Variants in OGG1 observed in about 807,000 individuals in gnomAD.
OGG1 encodes N-glycosylase/DNA lyase.
OGG1 carries 35 observed loss-of-function variants against 42.3 expected under a neutral mutation model. The ratio of observed to expected loss-of-function variants is 0.83; its 90% CI spans 0.63 to 1.10. The LOEUF is 1.10. OGG1 is among the 50% of genes least tolerant of loss of function. The pLI, the probability that OGG1 is intolerant of heterozygous loss-of-function variation, is 0.00. For missense variants in OGG1, 484 were observed against 446.7 expected, an observed-to-expected ratio of 1.08 and a Z score of -0.75; for synonymous variants, 189 against 179.0, an observed-to-expected ratio of 1.06 and a Z score of -0.44.
At chr3:9,789,489 T>C (rs2078688609), downstream of OGG1, 1 of 1,607,166 alleles carries the variant, frequency 6.2e-7, no homozygotes, top group African/African-American at 1.3e-5. Flanking sequence ...ATCATGTCTA[T>C]CAAGGCCCAG....
At chr3:9,778,316 G>A (rs1292372490) in intron 2 of OGG1, among the ~76,000 whole-genome samples, 2 of 152,234 alleles carry the variant, frequency 1.3e-5, no homozygotes, top group African/African-American at 2.4e-5. Flanking sequence ...GCAGCAGCTT[G>A]GCCCAGCACC....
chr3:9,787,438 C>T, intron 3 of OGG1: 1 of 1,482,256 alleles, frequency 6.7e-7, no homozygotes, highest in Non-Finnish European at 9.0e-7. Flanking sequence ...CTCTCAAGTC[C>T]CTAGTCCAAG....
intron 2 of OGG1, among the ~76,000 whole-genome samples, chr3:9,773,224 A>C (rs2078323105): frequency 6.8e-6 from 1 of 146,866 alleles, no homozygotes; most frequent in Non-Finnish European, 1.5e-5. Context: ...GCAAGACTAC[A>C]TCTCAAAAAA....
rs71049801 is a variant in OGG1 at position 9,765,226 on chromosome 3, C to CA, written c.1049-567dup. 6.6e-3 allele frequency among the ~76,000 whole-genome samples: 767 copies of CA among 116,380 alleles called. 2 individuals carry two copies. The highest frequency in any genetic ancestry group is 0.023 in the East Asian group (97 of 4,162). 76.3% of individuals were successfully genotyped at this position (116,380 alleles called of 152,430 possible). A position where few individuals can be genotyped will look rare whatever the true frequency, so the allele number is the denominator to read the frequency against. Reference sequence around the variant, plus strand: ...GGGGCAACAGAGTGAGACTCCATCTCAAAAAAAAAAAAAAAATTATCTGCC... The same window carrying CA: ...GGGGCAACAGAGTGAGACTCCATCTCAAAAAAAAAAAAAAAAATTATCTGCC... On this transcript the variant is annotated intron_variant, in intron 7 of 7. Transcript: ENST00000302008.
intron 3 of OGG1, among the ~76,000 whole-genome samples, chr3:9,786,740 G>C (rs1387193634): frequency 1.3e-5 from 2 of 152,200 alleles, no homozygotes; most frequent in Non-Finnish European, 2.9e-5. Context: ...CTAGGATATA[G>C]TAATGTTTCA....
chr3:9,771,098 G>T (rs976454275), downstream of OGG1, among the ~76,000 whole-genome samples: 1 of 151,160 alleles, frequency 6.6e-6, no homozygotes, highest in Non-Finnish European at 1.5e-5. Context: ...CATGATCACG[G>T]CCCACTGCAG....
Position 9,750,431 on chromosome 3 carries a change from A to G in OGG1, c.137+8A>G. ...TTCTGGACAATCTTTCCGGTGAGTG[A>G]CTGAGCCTGAGAAGCCTGTCCCCTC... On this transcript the variant is annotated splice_region_variant and intron_variant, in intron 1 of 6. Transcript: ENST00000344629. 6.2e-7 allele frequency: 1 copy of G among 1,613,710 alleles called. No homozygotes were observed. Among genetic ancestry groups the G allele is most frequent in the Non-Finnish European group, 8.5e-7 (1 of 1,180,020 alleles).
chr3:9,790,107 A>G (rs575490246), downstream of OGG1: 17 of 1,068,554 alleles, frequency 1.6e-5, no homozygotes, highest in East Asian at 4.7e-4. Context: ...ACTCTTACTC[A>G]TCCTTCAAAA....
chr3:9,757,909 G>C, downstream of OGG1: 1 of 1,538,576 alleles, frequency 6.5e-7, no homozygotes, highest in African/African-American at 1.4e-5. This position sits in a 1 kb window ranked among gnomAD's most constrained non-coding sequence, Gnocchi z 4.5. Flanking sequence ...AAGTCATGGG[G>C]CAGGGGCGCA....
At chr3:9,766,526 C>T in exon 8 of OGG1, 2 of 459,810 alleles carry the variant, frequency 4.3e-6, no homozygotes, top group South Asian at 2.3e-5. Flanking sequence ...GGCCCTGCCC[C>T]AGATTTACTA....
At chr3:9,768,622 C>T (rs994728226), downstream of OGG1, among the ~76,000 whole-genome samples, 2 of 152,212 alleles carry the variant, frequency 1.3e-5, no homozygotes, top group Admixed American at 6.5e-5. Context: ...CAAAGGCCAT[C>T]GAATGGCCTT....
At chr3:9,787,973 C>T (rs905743579) in exon 4 of OGG1, 1 of 333,306 alleles carries the variant, frequency 3.0e-6, no homozygotes, top group Non-Finnish European at 5.9e-6. Flanking sequence ...GGGCGAGATA[C>T]TTGGTGGGAC....
At chr3:9,774,028 A>G (rs1470981591) in intron 2 of OGG1, among the ~76,000 whole-genome samples, 1 of 152,180 alleles carries the variant, frequency 6.6e-6, no homozygotes, top group African/African-American at 2.4e-5. Context: ...TGAACCTGAC[A>G]GAAAAGAAGC....
In OGG1 at chr3:9,757,406, A is replaced by G; in HGVS notation, c.*256A>G. 6.2e-7 allele frequency: 1 copy of G among 1,610,540 alleles called. No individual in the cohort carries two copies. Among genetic ancestry groups the G allele is most frequent in the African/African-American group, 1.3e-5 (1 of 74,958 alleles). ...ATAAAATAGAAACATTTGTATGGAA[A>G]ATGCAGTGAGGAGTGGTAGGGAAGC... is the stretch of plus-strand genomic sequence containing the variant. On this transcript the variant is annotated 3_prime_UTR_variant, in exon 7 of 7. Transcript: ENST00000344629. The surrounding 1 kb of genome is among the most constrained non-coding windows in gnomAD (Gnocchi z 4.5).
At chr3:9,775,234 G>A (rs1476905760) in intron 2 of OGG1, among the ~76,000 whole-genome samples, 1 of 151,344 alleles carries the variant, frequency 6.6e-6, no homozygotes, top group Non-Finnish European at 1.5e-5. Flanking sequence ...GCAAGACCCT[G>A]TCTCAAAAAA....
downstream of OGG1, chr3:9,767,518 G>A: frequency 1.1e-6 from 1 of 929,382 alleles, no homozygotes; most frequent in East Asian, 2.7e-5. Flanking sequence ...TCATCCAGAA[G>A]TGAAAAGCTG....
At chr3:9,790,814 G>A (rs1339354581), downstream of OGG1, among the ~76,000 whole-genome samples, 1 of 152,184 alleles carries the variant, frequency 6.6e-6, no homozygotes, top group East Asian at 1.9e-4. Flanking sequence ...CTTTCTCAAA[G>A]TCACATAGCT....
downstream of OGG1, chr3:9,767,765 G>T (rs560364655): frequency 1.5e-5 from 24 of 1,613,560 alleles, no homozygotes; most frequent in South Asian, 1.9e-4. Context: ...ACTGCCCCCC[G>T]ACCACAGCCA....
At chr3:9,785,905 A>G (rs1255236094) in intron 3 of OGG1, among the ~76,000 whole-genome samples, 1 of 152,040 alleles carries the variant, frequency 6.6e-6, no homozygotes, top group African/African-American at 2.4e-5. Context: ...GCATGGGCCA[A>G]AAAGTTTCCT....
Sources: gnomAD v4.1 joint callset for allele counts (sites outside exome capture counted in the v4.1 genomes callset) on GRCh38, gnomAD v4.1.1 for gene constraint, Gnocchi (gnomAD v3.1) non-coding constraint, MANE v1.5 for transcripts, NCBI Gene and HGNC (gene_info 2026-07-23, HGNC 2026-07-21) for gene names.